The following DACH2 variants were observed in gnomAD, a reference collection of about 807,000 sequenced individuals.
DACH2 encodes the protein dachshund family transcription factor 2, also known as dachshund homolog 2.
In DACH2, 17 loss-of-function variants were observed where a neutral mutation model predicts 35.8. The observed-to-expected ratio is 0.48, with a 90% CI of 0.33 to 0.71. The LOEUF is 0.71. Ranked by LOEUF, DACH2 falls within the 30% of genes least tolerant of loss-of-function variation. The pLI, the probability that DACH2 is intolerant of heterozygous loss-of-function variation, is 0.02. For synonymous variants in DACH2, 195 were observed against 177.3 expected (o/e 1.10, Z -0.79); for missense variants, 469 against 472.7 (o/e 0.99, Z 0.07).
intron 3 of DACH2, among the ~76,000 whole-genome samples, chrX:86,546,377 C>CTTA (rs1292346471): frequency 1.4e-5 from 1 of 69,435 alleles, no homozygotes; most frequent in East Asian, 4.4e-4. Context: ...TCTTCTTCTT[C>CTTA]TTCTTCTTCT....
intron 1 of DACH2, among the ~76,000 whole-genome samples, chrX:86,328,232 A>T (rs978842419): frequency 2.2e-4 from 25 of 111,702 alleles, no homozygotes; most frequent in African/African-American, 8.1e-4. Flanking sequence ...AGAGAACGAA[A>T]ATCTTAGTCT....
chrX:86,788,223 G>A (rs745490840), intron 7 of DACH2, among the ~76,000 whole-genome samples: 28 of 111,010 alleles, frequency 2.5e-4, no homozygotes, highest in African/African-American at 8.8e-4. Context: ...GCCTCTTAGT[G>A]TGCATGCTTA....
intron 1 of DACH2, among the ~76,000 whole-genome samples, chrX:86,265,607 A>T (rs1173981865): frequency 8.9e-6 from 1 of 112,153 alleles, no homozygotes; most frequent in Admixed American, 9.5e-5. Flanking sequence ...ATTTGCACAT[A>T]CTATAAAATC....
chrX:86,659,799 G>T (rs2040585984), intron 4 of DACH2, among the ~76,000 whole-genome samples: 1 of 111,434 alleles, frequency 9.0e-6, no homozygotes, highest in Non-Finnish European at 1.9e-5. Context: ...TAATCACATT[G>T]CCTTTGAATT....
intron 1 of DACH2, among the ~76,000 whole-genome samples, chrX:86,283,866 GTA>G (rs1265734739): frequency 1.5e-5 from 1 of 68,690 alleles, no homozygotes; most frequent in Non-Finnish European, 2.6e-5. Flanking sequence ...AGAACTTAAA[GTA>G]TATACACACA....
intron 2 of DACH2, among the ~76,000 whole-genome samples, chrX:86,378,243 CAT>C (rs200551882): frequency 1.5e-4 from 16 of 108,246 alleles, no homozygotes; most frequent in South Asian, 7.8e-4. Context: ...TTCATATGTA[CAT>C]ATATATATAT....
chrX:86,557,372 G>A (rs1317405515), intron 3 of DACH2, among the ~76,000 whole-genome samples: 7 of 110,351 alleles, frequency 6.3e-5, no homozygotes, highest in Admixed American at 4.9e-4. Context: ...AAGTCAGGTA[G>A]TGTGATGCCT....
chrX:86,393,926 A>G (rs767360337), intron 2 of DACH2, among the ~76,000 whole-genome samples: 3 of 105,102 alleles, frequency 2.9e-5, no homozygotes, highest in African/African-American at 1.0e-4. Context: ...AACACTTAAT[A>G]AATGGTAGCT....
At chrX:86,649,307 A>G (rs2040451572) in intron 3 of DACH2, among the ~76,000 whole-genome samples, 1 of 110,895 alleles carries the variant, frequency 9.0e-6, no homozygotes, top group South Asian at 3.7e-4. Context: ...TTACCCTACA[A>G]ATAATAAAAT....
intron 3 of DACH2, among the ~76,000 whole-genome samples, chrX:86,554,298 G>A (rs932680269): frequency 1.8e-4 from 20 of 110,838 alleles, no homozygotes; most frequent in Middle Eastern, 4.6e-3. Flanking sequence ...CAAAAACAAC[G>A]ACAACATATA....
At chrX:86,671,870 A>G (rs1355866754) in intron 4 of DACH2, among the ~76,000 whole-genome samples, 2 of 111,735 alleles carry the variant, frequency 1.8e-5, no homozygotes, top group African/African-American at 3.3e-5. Flanking sequence ...GAAGACAGGA[A>G]GATGAGGGAA....
At chrX:86,170,754 A>G (rs762655880) in intron 1 of DACH2, among the ~76,000 whole-genome samples, 1 of 112,175 alleles carries the variant, frequency 8.9e-6, no homozygotes, top group African/African-American at 3.2e-5. Context: ...TAGAAAGTTT[A>G]TTTTGCCAAG....
intron 3 of DACH2, among the ~76,000 whole-genome samples, chrX:86,529,946 T>TACACACAC (rs779572561): frequency 1.8e-4 from 14 of 79,173 alleles, no homozygotes; most frequent in East Asian, 1.7e-3. Context: ...CCATTGTACA[T>TACACACAC]ACACACACAC....
chrX:86,415,663 A>C (rs750199177), intron 2 of DACH2, among the ~76,000 whole-genome samples: 8 of 111,873 alleles, frequency 7.2e-5, no homozygotes, highest in Non-Finnish European at 1.9e-5. Context: ...TACTTTAAAG[A>C]AGATTTTCCC....
At chrX:86,377,053 C>A (rs936338059) in intron 2 of DACH2, among the ~76,000 whole-genome samples, 191 bp downstream of exon 2, 2 of 110,811 alleles carry the variant, frequency 1.8e-5, no homozygotes, top group African/African-American at 6.5e-5. Flanking sequence ...AAAATGAAAT[C>A]CAAAGAGTGA....
chrX:86,809,489 T>C (rs1376120554), intron 7 of DACH2, among the ~76,000 whole-genome samples: 1 of 102,392 alleles, frequency 9.8e-6, no homozygotes. Context: ...ACCATTCATT[T>C]TTGTAGCAAA....
At chrX:86,610,319 CTCCT>C (rs773406372) in intron 3 of DACH2, among the ~76,000 whole-genome samples, 9 of 110,225 alleles carry the variant, frequency 8.2e-5, no homozygotes, top group Non-Finnish European at 1.3e-4. Context: ...TTCTTTCTTT[CTCCT>C]TCCTTCCTTC....
chrX:86,149,269 C>T (rs1188666260), intron 1 of DACH2, among the ~76,000 whole-genome samples, 161 bp downstream of exon 1: 1 of 111,615 alleles, frequency 9.0e-6, no homozygotes, highest in African/African-American at 3.3e-5. Flanking sequence ...TAGAAGCTTT[C>T]ATTAATGCTG....
At chrX:86,225,817 A>G (rs2032811614) in intron 1 of DACH2, among the ~76,000 whole-genome samples, 1 of 111,532 alleles carries the variant, frequency 9.0e-6, no homozygotes, top group Non-Finnish European at 1.9e-5. Flanking sequence ...CACAATAGCC[A>G]TACTCTGTCT....
Sources: gnomAD v4.1 joint callset for allele counts (sites outside exome capture counted in the v4.1 genomes callset) on GRCh38, gnomAD v4.1.1 for gene constraint, MANE v1.5 for transcripts, NCBI Gene and HGNC (gene_info 2026-07-23, HGNC 2026-07-21) for gene names.